EIF3L: variants seen among roughly 807,000 people sequenced by gnomAD.
The protein encoded by EIF3L is eIEF associated protein HSPC021.
A neutral mutation model predicts 74.6 loss-of-function variants in EIF3L; 32 were observed. The observed-to-expected ratio is 0.43, with a 90% CI of 0.32 to 0.58. The LOEUF is 0.58. Ranked by LOEUF, EIF3L falls within the 20% of genes least tolerant of loss-of-function variation. EIF3L has a pLI of 0.06. For synonymous variants in EIF3L, 256 were observed against 254.4 expected, an observed-to-expected ratio of 1.01 and a Z score of -0.06; for missense variants, 474 against 707.8, an observed-to-expected ratio of 0.67 and a Z score of 3.75.
intron 2 of EIF3L, chr22:37,850,446 C>T: frequency 4.5e-6 from 1 of 224,640 alleles, no homozygotes; most frequent in South Asian, 4.5e-5. Context: ...CAGTAGTTCT[C>T]TTGTCTCAGC....
At chr22:37,882,228 G>C (rs1927086710) in intron 11 of EIF3L, 1 of 151,914 alleles carries the variant, frequency 6.6e-6, no homozygotes, top group Non-Finnish European at 1.5e-5. Context: ...ACTCACTTGA[G>C]CCCAAGAGAC....
At chr22:37,865,839 G>T (rs564594958) in intron 7 of EIF3L, among the ~76,000 whole-genome samples, 30 of 152,292 alleles carry the variant, frequency 2.0e-4, no homozygotes, top group African/African-American at 6.7e-4. Context: ...AGTGAAGAAG[G>T]ATCATCCGTG....
intron 12 of EIF3L, 27 bp from the exon 13 acceptor site, chr22:37,888,399 G>C: frequency 6.2e-7 from 1 of 1,613,616 alleles, no homozygotes; most frequent in Non-Finnish European, 8.5e-7. Context: ...ATCCCCGTAT[G>C]TAACTTTGCT....
At chr22:37,886,744 T>C (rs1236527142) in intron 11 of EIF3L, 21 bp from the exon 12 acceptor site, 1 of 1,601,856 alleles carries the variant, frequency 6.2e-7, no homozygotes, top group Non-Finnish European at 8.5e-7. Context: ...TGCTCTTCCC[T>C]GACTGTGCTT....
At chr22:37,868,869 C>T (rs1040066234) in intron 7 of EIF3L, among the ~76,000 whole-genome samples, 1 of 151,506 alleles carries the variant, frequency 6.6e-6, no homozygotes, top group Admixed American at 6.6e-5. Flanking sequence ...GTCAAACTCC[C>T]GACCTCAGGT....
chr22:37,855,697 T>G, intron 4 of EIF3L, 53 bp downstream of exon 4: 1 of 1,477,812 alleles, frequency 6.8e-7, no homozygotes, highest in Non-Finnish European at 9.4e-7. Context: ...AGTGGCTGAG[T>G]CATTAGACAG....
At chr22:37,871,127 GAA>G (rs796378154) in intron 8 of EIF3L, 4 of 144,394 alleles carry the variant, frequency 2.8e-5, no homozygotes, top group South Asian at 2.2e-4. Context: ...GAACTTGTCT[GAA>G]AAAAAAAAAG....
Position 37,870,168 on chromosome 22 carries a change from C to T in EIF3L, c.580-8C>T, listed in dbSNP as rs1348352093. 4 of 1,585,316 alleles carry T rather than the reference C, an allele frequency of 2.5e-6. No homozygotes were observed. Among genetic ancestry groups the T allele is most frequent in the Non-Finnish European group, 2.6e-6 (3 of 1,164,582 alleles). ...CCACTACTGCATGTTTCTTTTCTTC[C>T]TCAACAGTTTCAGTCATTCAGTCAG... On this transcript the variant is annotated splice_polypyrimidine_tract_variant and splice_region_variant and intron_variant, in intron 7 of 12. Transcript: ENST00000652021.
rs61195610 is a variant in EIF3L at position 37,863,103 on chromosome 22, CTTTTTTT to C, written c.505+77_505+83del. ...GATGAGGTTCAGCATTGGCCTCCAGCTTTTTTTTTTTTTTTTTTAAATTAGCAGGATC... is the reference window on the plus strand; with the variant it reads ...GATGAGGTTCAGCATTGGCCTCCAGCTTTTTTTTTTTAAATTAGCAGGATC... On this transcript the variant is annotated intron_variant, in intron 6 of 12. Transcript: ENST00000652021. 33 of 1,026,042 alleles carry C rather than the reference CTTTTTTT, an allele frequency of 3.2e-5. No homozygotes were observed. The South Asian group carries it at 5.6e-4, about 17-fold the overall frequency. 63.6% of individuals were successfully genotyped at this position (1,026,042 alleles called of 1,614,324 possible). A position where few individuals can be genotyped will look rare whatever the true frequency, so the allele number is the denominator to read the frequency against.
At chr22:37,868,894 G>A (rs892109700) in intron 7 of EIF3L, among the ~76,000 whole-genome samples, 1 of 151,236 alleles carries the variant, frequency 6.6e-6, no homozygotes, top group Non-Finnish European at 1.5e-5. Flanking sequence ...CGCCTGCATC[G>A]GCCTCCCAAA....
rs554174253 is a variant in EIF3L, at chr22:37,852,195, T to C, written c.293+705T>C. ...TAATAATGATTAGCATTTGTTTTTA[T>C]TACCAGGATAGATCCATCAATGTTC... is the stretch of plus-strand genomic sequence containing the variant. On this transcript the variant is annotated intron_variant, in intron 3 of 12. Coordinates refer to ENST00000652021, the MANE Select transcript of EIF3L (RefSeq NM_016091.4). Among the ~76,000 whole-genome samples the C allele has an allele frequency of 1.6e-4, 24 of 152,316 alleles. No individual in the cohort carries two copies. The South Asian group carries it at 5.0e-3, about 32-fold the overall frequency.
intron 12 of EIF3L, 42 bp from the exon 13 acceptor site, chr22:37,888,384 G>T (rs1216839678): frequency 1.9e-6 from 3 of 1,610,938 alleles, no homozygotes; most frequent in Non-Finnish European, 2.5e-6. Context: ...AAAGGGGTTG[G>T]GGAAATCCCC....
intron 7 of EIF3L, among the ~76,000 whole-genome samples, chr22:37,865,167 C>G (rs145018821): frequency 1.3e-5 from 2 of 152,132 alleles, no homozygotes; most frequent in African/African-American, 4.8e-5. Context: ...GAAATAGAGA[C>G]TACAAAACAT....
chr22:37,863,599 G>A (rs571234668), intron 7 of EIF3L, among the ~76,000 whole-genome samples: 3 of 152,260 alleles, frequency 2.0e-5, no homozygotes, highest in Admixed American at 2.0e-4. Flanking sequence ...CTTGTTAGGT[G>A]GTCTGGTGGT....
intron 3 of EIF3L, 36 bp downstream of exon 3, chr22:37,851,526 T>C: frequency 7.2e-7 from 1 of 1,396,782 alleles, no homozygotes; most frequent in South Asian, 1.2e-5. Flanking sequence ...TCTTTCTGGG[T>C]GGGACTGGCC....
chr22:37,859,829 C>T (rs1478843554), intron 5 of EIF3L, among the ~76,000 whole-genome samples: 2 of 151,982 alleles, frequency 1.3e-5, no homozygotes, highest in Admixed American at 1.3e-4. Context: ...CATGGAGAAA[C>T]CTCGTCTCTA....
intron 11 of EIF3L, chr22:37,882,035 G>A (rs1927077306): frequency 1.3e-5 from 2 of 152,240 alleles, no homozygotes; most frequent in African/African-American, 4.8e-5. Flanking sequence ...TGCTGGGCAT[G>A]ATGGCTCACG....
intron 3 of EIF3L, among the ~76,000 whole-genome samples, chr22:37,852,018 G>A (rs1925252888): frequency 6.6e-6 from 1 of 151,714 alleles, no homozygotes; most frequent in Admixed American, 6.6e-5. Context: ...TGGCCAGGCT[G>A]GTCTTGAACT....
Position 37,888,471 on chromosome 22 carries a change from T to C in EIF3L, c.*7T>C, listed in dbSNP as rs375893461. On this transcript the variant is annotated 3_prime_UTR_variant, in exon 13 of 13. Coordinates refer to ENST00000652021, the MANE Select transcript of EIF3L (RefSeq NM_016091.4). Reference sequence around the variant, plus strand: ...GATGGGACAGAGACCTTGATGATATTCACACACATTCAGGAACCTGTTTTG... The same window carrying C: ...GATGGGACAGAGACCTTGATGATATCCACACACATTCAGGAACCTGTTTTG... 4 of 1,613,312 alleles carry C rather than the reference T, an allele frequency of 2.5e-6. No homozygotes were observed. In the African/African-American group the frequency reaches 5.3e-5, roughly 22 times the overall value.
Sources: allele counts gnomAD v4.1 joint callset (sites outside exome capture counted in the v4.1 genomes callset), GRCh38; gene constraint gnomAD v4.1.1; transcripts MANE v1.5; gene names NCBI Gene and HGNC (gene_info 2026-07-23, HGNC 2026-07-21).